Variants in ARHGAP20 observed in about 807,000 individuals in gnomAD.
ARHGAP20 encodes the protein Rho GTPase activating protein 20, also known as rho GTPase-activating protein 20.
A neutral mutation model predicts 73.7 loss-of-function variants in ARHGAP20; 34 were observed. The observed-to-expected ratio is 0.46, with a 90% CI of 0.35 to 0.61. The LOEUF (loss-of-function observed/expected upper bound fraction) is 0.61. Among genes scored for constraint, ARHGAP20 ranks in the 20% least tolerant of loss-of-function variants. The pLI, the probability that ARHGAP20 is intolerant of heterozygous loss-of-function variation, is 0.00. For missense variants in ARHGAP20, 1,314 were observed against 1,420.9 expected, an observed-to-expected ratio of 0.92 and a Z score of 1.21; for synonymous variants, 523 against 518.2, an observed-to-expected ratio of 1.01 and a Z score of -0.13.
Position 110,615,563 on chromosome 11 carries a change from G to C in ARHGAP20, c.535C>G (p.Leu179Val), listed in dbSNP as rs540886950. The change falls in exon 5 of 15, where the codon CTC becomes GTC. Residue 179 changes from leucine (L) to valine (V), a missense_variant. By Grantham distance (32) the Leu-to-Val change is conservative. This residue lies in a region of ARHGAP20 where 443 missense variants were observed against 466.4 expected (regional missense o/e 0.95). Transcript: ENST00000683387. ...SPEQKDKWLS[L>V]LQRYINLEKE... ...ATACTGAAAAAATACCTCTGAAGGAGAGAGAGCCATTTGTCCTTTTGTTCT... is the reference window on the plus strand; with the variant it reads ...ATACTGAAAAAATACCTCTGAAGGACAGAGAGCCATTTGTCCTTTTGTTCT... The C allele has an allele frequency of 1.9e-6, 3 of 1,611,876 alleles. No individual in the cohort carries two copies. Among genetic ancestry groups the C allele is most frequent in the Non-Finnish European group, 2.5e-6 (3 of 1,179,224 alleles).
At chr11:110,649,694 A>C (rs1733501298) in intron 2 of ARHGAP20, among the ~76,000 whole-genome samples, 1 of 152,112 alleles carries the variant, frequency 6.6e-6, no homozygotes, top group Non-Finnish European at 1.5e-5. Context: ...CTGTAGAATA[A>C]AAAGATGTGT....
intron 2 of ARHGAP20, among the ~76,000 whole-genome samples, chr11:110,686,055 T>C (rs998642949): frequency 6.6e-6 from 1 of 152,092 alleles, no homozygotes; most frequent in African/African-American, 2.4e-5. Context: ...TTGCAAAAAT[T>C]TGCATTATTT....
At chr11:110,613,300 G>A (rs182592482) in intron 6 of ARHGAP20, among the ~76,000 whole-genome samples, 36 of 152,246 alleles carry the variant, frequency 2.4e-4, no homozygotes, top group Middle Eastern at 6.8e-3. Context: ...ATAACTAGAC[G>A]GCAAAGACAA....
Position 110,578,943 on chromosome 11 carries a change from T to G in ARHGAP20, c.*427A>C, listed in dbSNP as rs1272376820. Reference sequence around the variant, plus strand: ...TAGTGGCATTTTTCTTGCCTACTTATTAAAAACATTCCATGGAATGTAGAT... The same window carrying G: ...TAGTGGCATTTTTCTTGCCTACTTAGTAAAAACATTCCATGGAATGTAGAT... On this transcript the variant is annotated 3_prime_UTR_variant, in exon 15 of 15. Coordinates refer to ENST00000683387, the MANE Select transcript of ARHGAP20 (RefSeq NM_001384657.1). The G allele has an allele frequency of 6.1e-6, 6 of 987,248 alleles. No homozygotes were observed. The East Asian group carries it at 6.8e-4, about 111-fold the overall frequency. 61.2% of individuals were successfully genotyped at this position (987,248 alleles called of 1,614,324 possible).
At chr11:110,585,083 GAA>G (rs1034449766) in intron 12 of ARHGAP20, among the ~76,000 whole-genome samples, 3 of 149,786 alleles carry the variant, frequency 2.0e-5, no homozygotes, top group Admixed American at 6.7e-5. Context: ...ATGAATACAT[GAA>G]TATATGTGAA....
chr11:110,670,294 T>A (rs1055411960), intron 2 of ARHGAP20, among the ~76,000 whole-genome samples: 2 of 152,076 alleles, frequency 1.3e-5, no homozygotes, highest in African/African-American at 2.4e-5. Context: ...AACTAGAAGC[T>A]GGTTCTTTGA....
At chr11:110,595,967 C>G (rs1254862600) in intron 9 of ARHGAP20, among the ~76,000 whole-genome samples, 1 of 151,966 alleles carries the variant, frequency 6.6e-6, no homozygotes, top group African/African-American at 2.4e-5. Context: ...TGGAACAGAA[C>G]AGAGCACTTA....
At chr11:110,711,506 A>AC (rs1346548866) in intron 1 of ARHGAP20, among the ~76,000 whole-genome samples, 1 of 146,684 alleles carries the variant, frequency 6.8e-6, no homozygotes, top group African/African-American at 2.5e-5. Flanking sequence ...TCAAACTGTG[A>AC]CCCCCACCTG....
chr11:110,701,301 C>G (rs1314907717), intron 1 of ARHGAP20, among the ~76,000 whole-genome samples: 1 of 150,138 alleles, frequency 6.7e-6, no homozygotes, highest in Non-Finnish European at 1.5e-5. Flanking sequence ...GATGGTATCT[C>G]ATTGTGGTTT....
chr11:110,633,894 C>T (rs977357588), intron 2 of ARHGAP20, among the ~76,000 whole-genome samples: 4 of 152,092 alleles, frequency 2.6e-5, no homozygotes, highest in Admixed American at 2.6e-4. Context: ...GCAGAGATGT[C>T]ATTCAAAGAC....
In ARHGAP20 at chr11:110,578,225, A is replaced by G; in HGVS notation, c.*1145T>C. 2 of 985,492 alleles carry G rather than the reference A, an allele frequency of 2.0e-6. No individual in the cohort carries two copies. Among genetic ancestry groups the G allele is most frequent in the Non-Finnish European group, 2.4e-6 (2 of 829,948 alleles). 61.0% of individuals were successfully genotyped at this position (985,492 alleles called of 1,614,324 possible). Reference sequence around the variant, plus strand: ...AACATTTGGGGCAAAAATATGGAACAACGTCTGGAAGCAAAACCCAAAGCA... The same window carrying G: ...AACATTTGGGGCAAAAATATGGAACGACGTCTGGAAGCAAAACCCAAAGCA... On this transcript the variant is annotated 3_prime_UTR_variant, in exon 15 of 15. Coordinates refer to ENST00000683387, the MANE Select transcript of ARHGAP20 (RefSeq NM_001384657.1).
chr11:110,671,308 T>TA (rs530851591), intron 2 of ARHGAP20, among the ~76,000 whole-genome samples: 7 of 151,730 alleles, frequency 4.6e-5, no homozygotes, highest in Admixed American at 2.0e-4. Context: ...ATTCGTGATT[T>TA]AAAAAAAACA....
At chr11:110,683,165 A>G (rs1232414670) in intron 2 of ARHGAP20, among the ~76,000 whole-genome samples, 1 of 152,130 alleles carries the variant, frequency 6.6e-6, no homozygotes, top group Admixed American at 6.6e-5. Flanking sequence ...TAGGCTGTTC[A>G]CCATATCAAA....
chr11:110,702,411 A>C (rs563220127), intron 1 of ARHGAP20, among the ~76,000 whole-genome samples: 31 of 152,190 alleles, frequency 2.0e-4, no homozygotes, highest in Non-Finnish European at 4.3e-4. Flanking sequence ...TATCTATGAC[A>C]AACCCACAGC....
At chr11:110,591,943 T>A (rs770258513) in intron 10 of ARHGAP20, 34 bp downstream of exon 10, 3 of 1,605,024 alleles carry the variant, frequency 1.9e-6, no homozygotes, top group Non-Finnish European at 2.6e-6. Context: ...CAAACACCCT[T>A]TCCCATCAGT....
rs778869179 is a variant in ARHGAP20 at position 110,608,986 on chromosome 11, A to G, written c.773T>C (p.Ile258Thr). 20 of 1,612,888 alleles carry G rather than the reference A, an allele frequency of 1.2e-5. No individual in the cohort carries two copies. The highest frequency in any genetic ancestry group is 1.1e-4 in the African/African-American group (8 of 74,870). The change falls in exon 8 of 15, where the codon ATT (isoleucine) becomes ACT (threonine). Residue 258 changes from isoleucine (I) to threonine (T), a missense_variant and splice_region_variant. Transcript: ENST00000683387. ...CTTAGACTTTTGCAAAAACTTACCA[A>G]TGAGTGGGTATGGAGCCTCTTCTTT... Reference protein sequence around the residue: ...SGKEEAPYPLIGHEYPYGIKM... With the variant: ...SGKEEAPYPLTGHEYPYGIKM...
chr11:110,656,940 C>T (rs866488933), intron 2 of ARHGAP20, among the ~76,000 whole-genome samples: 1 of 152,160 alleles, frequency 6.6e-6, no homozygotes. Flanking sequence ...TTGTTGACAG[C>T]TACCTCTTCC....
chr11:110,623,964 G>A (rs1410890293), intron 4 of ARHGAP20, among the ~76,000 whole-genome samples, 198 bp downstream of exon 4: 1 of 152,174 alleles, frequency 6.6e-6, no homozygotes, highest in African/African-American at 2.4e-5. Flanking sequence ...AGCCCATTGG[G>A]AGAAATACAT....
intron 2 of ARHGAP20, among the ~76,000 whole-genome samples, chr11:110,639,117 T>C (rs999780955): frequency 3.3e-5 from 5 of 152,110 alleles, no homozygotes; most frequent in Admixed American, 6.6e-5. Context: ...CACTGTGCTA[T>C]ATTAACATAT....
Sources: allele counts gnomAD v4.1 joint callset (sites outside exome capture counted in the v4.1 genomes callset), GRCh38; gene constraint gnomAD v4.1.1; regional missense constraint gnomAD v4.1.1; transcripts MANE v1.5; gene names NCBI Gene and HGNC (gene_info 2026-07-23, HGNC 2026-07-21).